THSD7B: variants seen among roughly 807,000 people sequenced by gnomAD.
The protein encoded by THSD7B is thrombospondin type 1 domain containing 7B.
In THSD7B, 138 loss-of-function variants were observed where a neutral mutation model predicts 213.6. The ratio of observed to expected loss-of-function variants is 0.65; its 90% CI spans 0.56 to 0.74. THSD7B has a LOEUF of 0.74. Ranked by LOEUF, THSD7B falls within the 30% of genes least tolerant of loss-of-function variation. The pLI, the probability that THSD7B is intolerant of heterozygous loss-of-function variation, is 0.00. For missense variants in THSD7B, 1,931 were observed against 1,991.5 expected (o/e 0.97, Z 0.58); for synonymous variants, 742 against 687.0 (o/e 1.08, Z -1.25).
intron 5 of THSD7B, among the ~76,000 whole-genome samples, chr2:137,134,855 A>G (rs547573725): frequency 6.6e-6 from 1 of 152,262 alleles, no homozygotes; most frequent in South Asian, 2.1e-4. Flanking sequence ...TTTCATTAAC[A>G]GCAGTAACAA....
chr2:137,207,125 G>A (rs1440069974), intron 7 of THSD7B, among the ~76,000 whole-genome samples: 1 of 152,010 alleles, frequency 6.6e-6, no homozygotes, highest in Non-Finnish European at 1.5e-5. Flanking sequence ...AGATGTAAAA[G>A]TGAAGAGAGG....
rs754247608 is a variant in THSD7B, at chr2:137,232,917, C to T, written c.1934C>T (p.Pro645Leu). The T allele has an allele frequency of 1.2e-6, 2 of 1,613,906 alleles. No individual in the cohort carries two copies. Among genetic ancestry groups the T allele is most frequent in the Non-Finnish European group, 1.7e-6 (2 of 1,179,806 alleles). Reference sequence around the variant, plus strand: ...TTGGCAGGTGGAAAGCCATGTCCCCCTAGTCAGGCTCTCCAAGAGCATCGT... The same window carrying T: ...TTGGCAGGTGGAAAGCCATGTCCCCTTAGTCAGGCTCTCCAAGAGCATCGT... The part of the protein sequence containing the change: ...LAGEGGKPCP[P>L]SQALQEHRLC... Residue 645 changes from proline to leucine, a missense_variant, in exon 9 of 28, where the codon CCT becomes CTT. By Grantham distance (98) the Pro-to-Leu change is moderately conservative. Transcript: ENST00000409968.
Position 137,544,562 on chromosome 2 carries a change from G to A in THSD7B, c.3139-18659G>A, listed in dbSNP as rs534622264. On this transcript the variant is annotated intron_variant, in intron 15 of 27. Coordinates refer to ENST00000409968, the MANE Select transcript of THSD7B (RefSeq NM_001316349.2). ...GACAACTTTATGAATATTTATGTAAGTTAAAGAGTAAGTACAAGAGATTTA... is the reference window on the plus strand; with the variant it reads ...GACAACTTTATGAATATTTATGTAAATTAAAGAGTAAGTACAAGAGATTTA... 2.6e-5 allele frequency among the ~76,000 whole-genome samples: 4 copies of A among 151,916 alleles called. No homozygotes were observed. The South Asian group carries it at 8.3e-4, about 32-fold the overall frequency.
At chr2:136,897,949 C>T (rs12999325) in intron 2 of THSD7B, among the ~76,000 whole-genome samples, 5,787 of 152,100 alleles carry the variant, frequency 0.038, 183 homozygotes, top group Non-Finnish European at 0.061. Flanking sequence ...AGAGCGCTTG[C>T]GTTTTTACAG....
chr2:137,593,759 A>G (rs1003901043), intron 17 of THSD7B, among the ~76,000 whole-genome samples: 2 of 151,882 alleles, frequency 1.3e-5, no homozygotes, highest in African/African-American at 4.8e-5. Context: ...TTTGTGTTTT[A>G]GAAGTGGATT....
Position 137,411,798 on chromosome 2 carries a change from G to A in THSD7B, c.2885G>A (p.Gly962Asp). ...VQADSKECGE[G>D]LRFRAVACSD... is the part of the protein sequence containing the mutation. The stretch of plus-strand genomic sequence containing the variant: ...GCAGACAGCAAAGAATGTGGAGAAG[G>A]CCTGCGCTTTCGAGCAGTAGCCTGT... The change falls in exon 14 of 28, where the codon GGC (glycine) becomes GAC (aspartate). Residue 962 changes from glycine to aspartate, a missense_variant. Transcript: ENST00000409968. 6.2e-7 allele frequency: 1 copy of A among 1,613,950 alleles called. No homozygotes were observed. Among genetic ancestry groups the A allele is most frequent in the Non-Finnish European group, 8.5e-7 (1 of 1,179,900 alleles).
chr2:137,268,053 C>T (rs76928219), intron 10 of THSD7B, among the ~76,000 whole-genome samples: 4,078 of 152,302 alleles, frequency 0.027, 108 homozygotes, highest in Middle Eastern at 0.095. Context: ...CTGGAATTAT[C>T]ATTCTCCCTT....
chr2:137,092,389 A>G (rs1354995924), intron 3 of THSD7B, among the ~76,000 whole-genome samples: 1 of 152,070 alleles, frequency 6.6e-6, no homozygotes, highest in Admixed American at 6.6e-5. Flanking sequence ...ACCCAGCCTG[A>G]GTATCAGAGT....
chr2:137,057,617 T>G (rs1470345732), intron 3 of THSD7B, among the ~76,000 whole-genome samples: 2 of 152,200 alleles, frequency 1.3e-5, no homozygotes, highest in Admixed American at 1.3e-4. Flanking sequence ...TATGTAAATA[T>G]TTTTGTTTTT....
chr2:137,502,426 C>T (rs536420160), intron 15 of THSD7B, among the ~76,000 whole-genome samples: 22 of 151,970 alleles, frequency 1.4e-4, no homozygotes, highest in African/African-American at 3.4e-4. Context: ...AGAAAAACAA[C>T]GAGAGGGAAA....
Position 137,546,407 on chromosome 2 carries a change from TATATATATTATATATATTA to T in THSD7B, c.3139-16813_3139-16795del, listed in dbSNP as rs1388395483. 2.0e-3 allele frequency among the ~76,000 whole-genome samples: 61 copies of T among 30,084 alleles called. 6 individuals are homozygous for T. The highest frequency in any genetic ancestry group is 8.1e-3 in the Admixed American group (14 of 1,722). 19.7% of individuals were successfully genotyped at this position (30,084 alleles called of 152,430 possible). A position where few individuals can be genotyped will look rare whatever the true frequency, so the allele number is the denominator to read the frequency against. On this transcript the variant is annotated intron_variant, in intron 15 of 27. Transcript: ENST00000409968. ...TATATTATATATATTATATATATTA[TATATATATTATATATATTA>T]TATATATATTATATATATTATATAT... is the stretch of plus-strand genomic sequence containing the variant.
intron 15 of THSD7B, among the ~76,000 whole-genome samples, chr2:137,485,293 G>A (rs940677062): frequency 5.4e-5 from 8 of 148,430 alleles, no homozygotes; most frequent in African/African-American, 1.2e-4. Context: ...TTTCCCCATT[G>A]CTTGTTTTTC....
chr2:137,317,078 A>G (rs1684128351), intron 12 of THSD7B, among the ~76,000 whole-genome samples: 1 of 152,314 alleles, frequency 6.6e-6, no homozygotes, highest in South Asian at 2.1e-4. Flanking sequence ...CTGATCCATG[A>G]AATATAGTTG....
chr2:137,072,469 G>A (rs1345488657), intron 3 of THSD7B, among the ~76,000 whole-genome samples: 1 of 152,110 alleles, frequency 6.6e-6, no homozygotes, highest in African/African-American at 2.4e-5. Context: ...CTGAGACTTT[G>A]CTGAAGTTGC....
intron 21 of THSD7B, 113 bp from the exon 22 acceptor site, chr2:137,655,388 A>G: frequency 2.7e-6 from 3 of 1,120,622 alleles, no homozygotes; most frequent in Non-Finnish European, 3.8e-6. Flanking sequence ...TCACAAGAAG[A>G]GGAAGCTACG....
intron 2 of THSD7B, among the ~76,000 whole-genome samples, chr2:136,936,247 T>C (rs1179725118): frequency 1.3e-5 from 2 of 152,118 alleles, no homozygotes; most frequent in African/African-American, 4.8e-5. Flanking sequence ...ACAACCACTA[T>C]GGAAAACGGT....
chr2:137,190,263 C>T (rs778899344), intron 7 of THSD7B, among the ~76,000 whole-genome samples: 7 of 152,064 alleles, frequency 4.6e-5, no homozygotes, highest in Non-Finnish European at 1.0e-4. Context: ...AATGTATATG[C>T]CATGTGCTAT....
At chr2:137,450,736 A>G in intron 14 of THSD7B, 109 bp from the exon 15 acceptor site, 1 of 803,190 alleles carries the variant, frequency 1.2e-6, no homozygotes, top group Non-Finnish European at 1.9e-6. Flanking sequence ...TATTGAAGCC[A>G]CTACAGCAAT....
rs57887270 is a variant in THSD7B, at chr2:136,906,936, G to GTTTTTTTTTTTTTTTT, written c.139+24633_139+24648dup. On this transcript the variant is annotated intron_variant, in intron 2 of 27. Coordinates refer to ENST00000409968, the MANE Select transcript of THSD7B (RefSeq NM_001316349.2). ...ATTCATAGATTCCTTACATTTCAAG[G>GTTTTTTTTTTTTTTTT]TTTTTTTTTTTTTTTTTTTTTTTTT... Among the ~76,000 whole-genome samples the GTTTTTTTTTTTTTTTT allele has an allele frequency of 8.2e-4, 45 of 55,128 alleles. 7 individuals carry two copies. The highest frequency in any genetic ancestry group is 5.2e-3 in the South Asian group (4 of 774). 36.2% of individuals were successfully genotyped at this position (55,128 alleles called of 152,430 possible). A position where few individuals can be genotyped will look rare whatever the true frequency, so the allele number is the denominator to read the frequency against.
Sources: gnomAD v4.1 joint callset for allele counts (sites outside exome capture counted in the v4.1 genomes callset) on GRCh38, gnomAD v4.1.1 for gene constraint, MANE v1.5 for transcripts, NCBI Gene and HGNC (gene_info 2026-07-23, HGNC 2026-07-21) for gene names.